TCF4: variants seen among roughly 807,000 people sequenced by gnomAD.
TCF4 encodes the protein transcription factor 4.
Under a neutral mutation model 82.1 loss-of-function variants are expected in TCF4, and 3 were observed. That is an observed-to-expected ratio of 0.04 (90% CI 0.02 to 0.09). TCF4 has a LOEUF of 0.09. Among genes scored for constraint, TCF4 ranks in the 10% least tolerant of loss-of-function variants. TCF4 has a pLI of 1.00. For synonymous variants in TCF4, 276 were observed against 309.6 expected (o/e 0.89, Z 1.14); for missense variants, 518 against 852.7 (o/e 0.61, Z 4.89).
chr18:55,585,302 T>C lies in TCF4; in HGVS notation c.123A>G (p.Ala41=), dbSNP rs1603624677. Residue 41 remains alanine, a synonymous_variant, in exon 3 of 20, where the codon GCA becomes GCG. Transcript: ENST00000354452. ...TACTTGAGCCAGTAAAATGTCCACT[T>C]GCCAAAGAAGTTGGTCCATTTTTCC... The part of the protein sequence containing the change: ...SSGKNGPTSL[A]SGHFTGSNVE... 1 of 1,613,930 alleles carries C rather than the reference T, an allele frequency of 6.2e-7. No homozygotes were observed. The highest frequency in any genetic ancestry group is 1.3e-5 in the African/African-American group (1 of 74,910).
chr18:55,473,051 T>C (rs1215934060), intron 3 of TCF4, among the ~76,000 whole-genome samples: 1 of 152,238 alleles, frequency 6.6e-6, no homozygotes, highest in Non-Finnish European at 1.5e-5. Flanking sequence ...ATGTAATATT[T>C]ATAGTGCAAA....
chr18:55,563,600 C>T (rs2097373935), intron 3 of TCF4, among the ~76,000 whole-genome samples: 1 of 152,210 alleles, frequency 6.6e-6, no homozygotes, highest in African/African-American at 2.4e-5. Flanking sequence ...AACTCCTGGA[C>T]TAAACTTAGG....
chr18:55,472,688 T>G (rs938430410), intron 3 of TCF4, among the ~76,000 whole-genome samples: 1 of 152,122 alleles, frequency 6.6e-6, no homozygotes, highest in Non-Finnish European at 1.5e-5. Flanking sequence ...GAGTAAACAT[T>G]GTGAATTGCG....
chr18:55,317,167 T>C (rs2074354823), intron 8 of TCF4, among the ~76,000 whole-genome samples: 1 of 151,990 alleles, frequency 6.6e-6, no homozygotes, highest in African/African-American at 2.4e-5. Context: ...TTGTTATTTT[T>C]AAATGGGTAA....
intron 3 of TCF4, among the ~76,000 whole-genome samples, chr18:55,476,344 T>C (rs949138902): frequency 6.6e-6 from 1 of 152,178 alleles, no homozygotes; most frequent in Non-Finnish European, 1.5e-5. Flanking sequence ...GAGAGGAACT[T>C]TGCCATTCAA....
intron 5 of TCF4, among the ~76,000 whole-genome samples, chr18:55,431,926 C>T (rs572283165): frequency 3.4e-4 from 52 of 152,200 alleles, no homozygotes; most frequent in African/African-American, 1.1e-3. Flanking sequence ...TACCAAAAGG[C>T]GGTGCACGGA....
chr18:55,355,361 G>A (rs1332371179), intron 6 of TCF4, among the ~76,000 whole-genome samples: 1 of 152,112 alleles, frequency 6.6e-6, no homozygotes, highest in Non-Finnish European at 1.5e-5. Flanking sequence ...GGTTTTCAAA[G>A]ACACTGCTGA....
At chr18:55,484,282 C>T (rs1053052523) in intron 3 of TCF4, among the ~76,000 whole-genome samples, 1 of 151,972 alleles carries the variant, frequency 6.6e-6, no homozygotes, top group African/African-American at 2.4e-5. Context: ...CACAGAAAAC[C>T]GCAACGGTTT....
intron 8 of TCF4, among the ~76,000 whole-genome samples, chr18:55,297,784 A>G (rs1465697835): frequency 6.6e-6 from 1 of 151,244 alleles, no homozygotes; most frequent in Non-Finnish European, 1.5e-5. Context: ...GAAGCAAACA[A>G]AAAAAAAACT....
At chr18:55,276,599 G>A (rs950612216) in intron 9 of TCF4, among the ~76,000 whole-genome samples, 10 of 152,084 alleles carry the variant, frequency 6.6e-5, no homozygotes, top group Non-Finnish European at 1.3e-4. Context: ...GATTGCTAAT[G>A]TTTAGGTTTG....
At chr18:55,235,026 C>T (rs2048970421) in intron 15 of TCF4, among the ~76,000 whole-genome samples, 2 of 152,132 alleles carry the variant, frequency 1.3e-5, no homozygotes, top group African/African-American at 2.4e-5. Flanking sequence ...TATCTTAATG[C>T]CCATATGCTT....
At chr18:55,587,702 G>A (rs944743489) in intron 1 of TCF4, among the ~76,000 whole-genome samples, 1 of 151,940 alleles carries the variant, frequency 6.6e-6, no homozygotes. Context: ...CAAAGGGGGA[G>A]GGGTGGGGTG....
intron 6 of TCF4, among the ~76,000 whole-genome samples, chr18:55,394,745 T>C (rs992823999): frequency 6.6e-6 from 1 of 152,202 alleles, no homozygotes; most frequent in Non-Finnish European, 1.5e-5. Flanking sequence ...ACTACTTCTA[T>C]GAGATTAGAA....
In TCF4 at chr18:55,523,577, C is replaced by G. The variant is rs184792969; in HGVS notation, c.146-59440G>C. On this transcript the variant is annotated intron_variant, in intron 3 of 19. Transcript: ENST00000354452. ...CACCAGGCAATACAATCAACTGTTA[C>G]AGTACTTAACTAATAAGAGGGAATT... 1.2e-4 allele frequency among the ~76,000 whole-genome samples: 19 copies of G among 152,062 alleles called. No homozygotes were observed. In the East Asian group the frequency reaches 3.5e-3, roughly 28 times the overall value.
intron 3 of TCF4, among the ~76,000 whole-genome samples, chr18:55,490,854 C>T (rs1030414119): frequency 1.3e-5 from 2 of 151,902 alleles, no homozygotes; most frequent in African/African-American, 4.8e-5. Flanking sequence ...ATCTTCAGTG[C>T]GGTATAGAAA....
intron 8 of TCF4, among the ~76,000 whole-genome samples, chr18:55,311,213 T>C (rs2072310895): frequency 6.6e-6 from 1 of 151,904 alleles, no homozygotes; most frequent in African/African-American, 2.4e-5. Flanking sequence ...AACAAAAAAA[T>C]GTTATCCTCT....
chr18:55,511,700 C>T (rs2096830656), intron 3 of TCF4, among the ~76,000 whole-genome samples: 1 of 151,880 alleles, frequency 6.6e-6, no homozygotes, highest in Non-Finnish European at 1.5e-5. Flanking sequence ...GAAGTTTTAC[C>T]TAAACTAAAT....
intron 3 of TCF4, among the ~76,000 whole-genome samples, chr18:55,497,324 T>C (rs1360268701): frequency 2.6e-5 from 4 of 152,196 alleles, no homozygotes; most frequent in Non-Finnish European, 5.9e-5. Flanking sequence ...GAATAAGATA[T>C]ATTTATGCAA....
intron 3 of TCF4, among the ~76,000 whole-genome samples, chr18:55,484,534 A>G (rs987881080): frequency 1.3e-5 from 2 of 152,218 alleles, no homozygotes; most frequent in African/African-American, 4.8e-5. Flanking sequence ...CAAAGTCTAT[A>G]GTTCAGTCCA....
Sources: gnomAD v4.1 joint callset for allele counts (sites outside exome capture counted in the v4.1 genomes callset) on GRCh38, gnomAD v4.1.1 for gene constraint, MANE v1.5 for transcripts, NCBI Gene and HGNC (gene_info 2026-07-23, HGNC 2026-07-21) for gene names.